Variants in ZFHX3 observed in about 807,000 individuals in gnomAD.
The protein encoded by ZFHX3 is zinc finger homeobox protein 3.
Under a neutral mutation model 279.1 loss-of-function variants are expected in ZFHX3, and 42 were observed. The ratio of observed to expected loss-of-function variants is 0.15; its 90% CI spans 0.12 to 0.19. The LOEUF is 0.19. ZFHX3 is among the 10% of genes least tolerant of loss of function. The pLI is 1.00. For synonymous variants in ZFHX3, 2,293 were observed against 1,957.8 expected (o/e 1.17, Z -4.52); for missense variants, 4,981 against 4,754.0 (o/e 1.05, Z -1.40).
chr16:73,741,185 G>A (rs7202003), intron 1 of ZFHX3, among the ~76,000 whole-genome samples: 5 of 151,692 alleles, frequency 3.3e-5, no homozygotes, highest in African/African-American at 7.3e-5. Context: ...CGCCTGCCAC[G>A]ACGCCCAGCT....
intron 1 of ZFHX3, among the ~76,000 whole-genome samples, chr16:73,849,934 T>C (rs922807065): frequency 1.3e-5 from 2 of 152,148 alleles, no homozygotes; most frequent in African/African-American, 2.4e-5. Context: ...GGTTTCACCA[T>C]GTTGGTCAGG....
intron 1 of ZFHX3, among the ~76,000 whole-genome samples, chr16:73,821,406 G>A (rs1008882276): frequency 6.6e-6 from 1 of 152,190 alleles, no homozygotes; most frequent in Non-Finnish European, 1.5e-5. Context: ...GTCTTTCAAA[G>A]AACTGATCCT....
At chr16:72,981,043 C>T (rs1962577137) in intron 1 of ZFHX3, among the ~76,000 whole-genome samples, 1 of 152,048 alleles carries the variant, frequency 6.6e-6, no homozygotes, top group African/African-American at 2.4e-5. Flanking sequence ...AGTCTTGAGT[C>T]AATACGTTCA....
At chr16:73,535,312 T>C (rs2019879770) in intron 2 of ZFHX3, among the ~76,000 whole-genome samples, 1 of 152,222 alleles carries the variant, frequency 6.6e-6, no homozygotes, top group African/African-American at 2.4e-5. Flanking sequence ...TTTAATTTCA[T>C]TTTTAATAAA....
chr16:73,172,697 G>A (rs1201215946), intron 5 of ZFHX3, among the ~76,000 whole-genome samples: 1 of 152,204 alleles, frequency 6.6e-6, no homozygotes, highest in Non-Finnish European at 1.5e-5. Context: ...CCCGGACAAT[G>A]AGAACAAGAC....
At chr16:73,055,836 A>G (rs1480729649) in intron 1 of ZFHX3, among the ~76,000 whole-genome samples, 2 of 141,376 alleles carry the variant, frequency 1.4e-5, no homozygotes, top group Non-Finnish European at 3.1e-5. Flanking sequence ...AAATCCTCAT[A>G]CCTACAACTC....
chr16:73,682,847 AGAAAG>A, intron 1 of ZFHX3, among the ~76,000 whole-genome samples: 1 of 110,242 alleles, frequency 9.1e-6, no homozygotes, highest in Non-Finnish European at 1.8e-5. Flanking sequence ...AGAGAAAAAA[AGAAAG>A]AGAAAGAAAG....
intron 3 of ZFHX3, among the ~76,000 whole-genome samples, chr16:73,352,474 CTTTTTTTT>C (rs35974156): frequency 9.4e-5 from 5 of 53,256 alleles, no homozygotes; most frequent in African/African-American, 1.7e-4. Context: ...CTCTCTCTCT[CTTTTTTTT>C]TTTTTTTTTT....
chr16:73,088,142 ATT>A lies in ZFHX3; in HGVS notation c.-533+5091_-533+5092del, dbSNP rs5817831. On this transcript the variant is annotated intron_variant, in intron 8 of 17. Transcript: ENST00000641206. ...TGCACCTGGCCTAAACTTTCATTTC[ATT>A]TTTTTTTTTCTTTTTTTTTGAGAGA... Among the ~76,000 whole-genome samples, 544 of 149,506 alleles carry A rather than the reference ATT, an allele frequency of 3.6e-3. 5 individuals are homozygous for A. Among genetic ancestry groups the A allele is most frequent in the African/African-American group, 0.012 (505 of 40,672 alleles).
intron 5 of ZFHX3, among the ~76,000 whole-genome samples, chr16:72,816,892 CTTTGAT>C (rs1318329557): frequency 1.3e-5 from 2 of 152,176 alleles, no homozygotes; most frequent in Admixed American, 6.5e-5. Flanking sequence ...TCCAGATATC[CTTTGAT>C]TTTATCATAT....
chr16:73,714,609 G>C (rs575934235), intron 1 of ZFHX3, among the ~76,000 whole-genome samples: 40 of 152,208 alleles, frequency 2.6e-4, no homozygotes, highest in Admixed American at 1.7e-3. Flanking sequence ...ACGTCTGCAC[G>C]TGTGTGTTAA....
intron 5 of ZFHX3, among the ~76,000 whole-genome samples, chr16:73,205,997 A>G (rs972490058): frequency 9.9e-5 from 15 of 152,200 alleles, no homozygotes; most frequent in Admixed American, 5.2e-4. Context: ...GACAAATCGC[A>G]ATTTGAGGTT....
chr16:73,535,262 G>C (rs964100543), intron 2 of ZFHX3, among the ~76,000 whole-genome samples: 2 of 152,158 alleles, frequency 1.3e-5, no homozygotes, highest in Non-Finnish European at 2.9e-5. Context: ...AAAATAATTA[G>C]GAAGCAATCA....
At chr16:73,857,532 GGGA>G (rs1256917286) in intron 1 of ZFHX3, among the ~76,000 whole-genome samples, 2 of 152,080 alleles carry the variant, frequency 1.3e-5, no homozygotes, top group Non-Finnish European at 2.9e-5. Flanking sequence ...TATAAAAGCG[GGGA>G]GGAGAGGAAA....
In ZFHX3 at chr16:73,462,973, G is replaced by A. The variant is rs59207474; in HGVS notation, c.-1546-6715C>T. ...CTTTTCTGGATGATATTGAAATTGT[G>A]TAGAATTGGTGTTAATGCTTCTTTA... On this transcript the variant is annotated intron_variant, in intron 2 of 17. Transcript: ENST00000641206. Among the ~76,000 whole-genome samples the A allele has an allele frequency of 9.3e-3, 1,423 of 152,268 alleles. 20 individuals are homozygous for A. Among genetic ancestry groups the A allele is most frequent in the African/African-American group, 0.032 (1,350 of 41,540 alleles).
chr16:73,107,461 G>A (rs1165303688), intron 7 of ZFHX3, among the ~76,000 whole-genome samples: 1 of 152,106 alleles, frequency 6.6e-6, no homozygotes, highest in East Asian at 1.9e-4. Flanking sequence ...TTAAATATAA[G>A]CCCTTTCTTC....
chr16:73,057,135 T>C (rs998222615), intron 1 of ZFHX3, among the ~76,000 whole-genome samples: 6 of 152,118 alleles, frequency 3.9e-5, no homozygotes, highest in Non-Finnish European at 7.4e-5. Flanking sequence ...TTGAGACCAA[T>C]AAAAATTGTC....
At chr16:73,292,683 G>A (rs1306889394) in intron 4 of ZFHX3, among the ~76,000 whole-genome samples, 3 of 152,140 alleles carry the variant, frequency 2.0e-5, no homozygotes, top group Admixed American at 2.0e-4. Flanking sequence ...TGATGTGTGT[G>A]TGTGTGGCGG....
intron 1 of ZFHX3, among the ~76,000 whole-genome samples, chr16:73,691,528 T>G (rs1401519726): frequency 6.6e-6 from 1 of 152,212 alleles, no homozygotes; most frequent in Non-Finnish European, 1.5e-5. Flanking sequence ...ACTTCCGTAT[T>G]CAAAATAGTT....
Sources: gnomAD v4.1 joint callset for allele counts (sites outside exome capture counted in the v4.1 genomes callset) on GRCh38, gnomAD v4.1.1 for gene constraint, MANE v1.5 for transcripts, NCBI Gene and HGNC (gene_info 2026-07-23, HGNC 2026-07-21) for gene names.